The following ARL15 variants were observed in gnomAD, a reference collection of about 807,000 sequenced individuals.
The protein encoded by ARL15 is ADP-ribosylation factor-like protein 15.
ARL15 carries 19 observed loss-of-function variants against 25.2 expected under a neutral mutation model. The observed-to-expected ratio is 0.75, with a 90% CI of 0.53 to 1.10. ARL15 has a LOEUF of 1.10. Ranked by LOEUF, ARL15 falls within the 50% of genes least tolerant of loss-of-function variation. ARL15 has a pLI of 0.00. For synonymous variants in ARL15, 94 were observed against 86.8 expected, an observed-to-expected ratio of 1.08 and a Z score of -0.46; for missense variants, 220 against 246.0, an observed-to-expected ratio of 0.89 and a Z score of 0.71.
rs923435954 is a variant in ARL15, at chr5:54,017,270, C to T, written c.462+95932G>A. ...GTTCACTCACATGCAAACATGTGCACCCTGGCCAGTCATTTTTATTACCTT... is the reference window on the plus strand; with the variant it reads ...GTTCACTCACATGCAAACATGTGCATCCTGGCCAGTCATTTTTATTACCTT... On this transcript the variant is annotated intron_variant, in intron 4 of 4. Coordinates refer to ENST00000504924, the MANE Select transcript of ARL15 (RefSeq NM_019087.3). 4.3e-4 allele frequency among the ~76,000 whole-genome samples: 65 copies of T among 152,242 alleles called. 1 individual carries two copies. The highest frequency in any genetic ancestry group is 4.3e-3 in the Admixed American group (65 of 15,292).
At chr5:54,146,125 T>C (rs1238215115) in intron 3 of ARL15, among the ~76,000 whole-genome samples, 1 of 152,110 alleles carries the variant, frequency 6.6e-6, no homozygotes, top group Non-Finnish European at 1.5e-5. Context: ...TTAGTATTAG[T>C]TATTTTTTAT....
At chr5:54,017,131 A>G (rs936669336) in intron 4 of ARL15, among the ~76,000 whole-genome samples, 58 of 152,194 alleles carry the variant, frequency 3.8e-4, no homozygotes, top group Non-Finnish European at 4.4e-5. Flanking sequence ...CATCATAACA[A>G]CAATGAGGAT....
chr5:54,013,110 T>C, intron 4 of ARL15, among the ~76,000 whole-genome samples: 1 of 152,250 alleles, frequency 6.6e-6, no homozygotes, highest in East Asian at 1.9e-4. Flanking sequence ...TTCTTTCTTT[T>C]TCCTACTTTC....
At chr5:54,105,079 C>T (rs1025632054) in intron 4 of ARL15, among the ~76,000 whole-genome samples, 3 of 151,176 alleles carry the variant, frequency 2.0e-5, no homozygotes, top group South Asian at 2.1e-4. Context: ...TAATAACTAA[C>T]GCTTATTGTG....
In ARL15 at chr5:53,970,183, AAGAT is replaced by A. The variant is rs1011614273; in HGVS notation, c.463-83474_463-83471del. On this transcript the variant is annotated intron_variant, in intron 4 of 4. Coordinates refer to ENST00000504924, the MANE Select transcript of ARL15 (RefSeq NM_019087.3). The stretch of plus-strand genomic sequence containing the variant: ...CCATTTTTTACTTGAAAAAAGATAA[AAGAT>A]AGCCAATGAAAACAGAAAATAAAAA... 6.6e-5 allele frequency among the ~76,000 whole-genome samples: 10 copies of A among 152,220 alleles called. No individual in the cohort carries two copies. The East Asian group carries it at 1.3e-3, about 20-fold the overall frequency.
intron 4 of ARL15, among the ~76,000 whole-genome samples, chr5:54,077,196 A>G (rs1357165020): frequency 4.0e-4 from 61 of 152,294 alleles, no homozygotes; most frequent in Admixed American, 3.9e-3. Flanking sequence ...ATGAAGGATG[A>G]TATCTTCTCA....
At chr5:54,116,819 C>A (rs148437224) in intron 3 of ARL15, among the ~76,000 whole-genome samples, 9 of 152,084 alleles carry the variant, frequency 5.9e-5, no homozygotes, top group Admixed American at 5.2e-4. Flanking sequence ...AGGTTACACA[C>A]CTAATAAATA....
chr5:54,302,084 C>T (rs1294850516), intron 1 of ARL15, among the ~76,000 whole-genome samples: 1 of 152,190 alleles, frequency 6.6e-6, no homozygotes, highest in African/African-American at 2.4e-5. Flanking sequence ...CCGCCTCAAA[C>T]ACAAACCCAC....
chr5:54,009,010 C>T (rs1286608839), intron 4 of ARL15, among the ~76,000 whole-genome samples: 2 of 152,088 alleles, frequency 1.3e-5, no homozygotes, highest in Non-Finnish European at 2.9e-5. Flanking sequence ...TGAAAATGAG[C>T]TGATCATTTT....
chr5:54,114,120 G>A (rs1486841229), intron 3 of ARL15, among the ~76,000 whole-genome samples: 2 of 152,074 alleles, frequency 1.3e-5, no homozygotes, highest in Non-Finnish European at 1.5e-5. Flanking sequence ...TGGAGAGGCT[G>A]GGCGCGGTGG....
At chr5:53,974,790 A>G (rs185561364) in intron 4 of ARL15, among the ~76,000 whole-genome samples, 90 of 152,348 alleles carry the variant, frequency 5.9e-4, no homozygotes, top group Admixed American at 2.7e-3. Context: ...TCTAGAATTA[A>G]TTAAAATCTG....
intron 1 of ARL15, chr5:54,285,230 G>C (rs1447818625): frequency 2.9e-6 from 1 of 343,570 alleles, no homozygotes; most frequent in South Asian, 1.2e-4. Context: ...CAGCAAAAAA[G>C]ATGTCAAAAA....
chr5:53,982,269 G>A (rs1694059), intron 4 of ARL15, among the ~76,000 whole-genome samples: 54,082 of 149,610 alleles, frequency 0.36, 10,509 homozygotes, highest in Middle Eastern at 0.45. Context: ...ATGTGTCATG[G>A]TGGTTTGCTG....
Position 54,113,416 on chromosome 5 carries a change from A to C in ARL15, c.254-6T>G. ...TTTCCGGATGTTATCAGCCCCTGTC[A>C]AAAACAAAACAAATTTTCGTTTTAA... On this transcript the variant is annotated splice_region_variant and splice_polypyrimidine_tract_variant and intron_variant, in intron 3 of 4. Transcript: ENST00000504924. 1 of 1,606,208 alleles carries C rather than the reference A, an allele frequency of 6.2e-7. No individual in the cohort carries two copies. Among genetic ancestry groups the C allele is most frequent in the Non-Finnish European group, 8.5e-7 (1 of 1,177,858 alleles).
intron 4 of ARL15, among the ~76,000 whole-genome samples, chr5:54,071,986 A>C (rs1342414566): frequency 6.6e-6 from 1 of 151,628 alleles, no homozygotes; most frequent in African/African-American, 2.4e-5. Flanking sequence ...AAAGAAAAAA[A>C]AAAAAAAAAG....
intron 4 of ARL15, among the ~76,000 whole-genome samples, chr5:53,887,637 T>C (rs1412571113): frequency 6.6e-6 from 1 of 152,220 alleles, no homozygotes; most frequent in Admixed American, 6.5e-5. Flanking sequence ...CATACAAAAG[T>C]AGAACATTAT....
intron 4 of ARL15, among the ~76,000 whole-genome samples, chr5:54,092,195 C>G (rs897488787): frequency 6.6e-6 from 1 of 152,086 alleles, no homozygotes; most frequent in Non-Finnish European, 1.5e-5. Flanking sequence ...GTATTTATTC[C>G]AAGTGATGTC....
At chr5:53,961,987 A>G (rs1485794146) in intron 4 of ARL15, among the ~76,000 whole-genome samples, 1 of 152,188 alleles carries the variant, frequency 6.6e-6, no homozygotes, top group African/African-American at 2.4e-5. Context: ...CCCTACTGAT[A>G]GGCATTTAGG....
intron 4 of ARL15, among the ~76,000 whole-genome samples, chr5:54,011,087 C>A (rs1221293245): frequency 6.6e-6 from 1 of 151,872 alleles, no homozygotes; most frequent in Non-Finnish European, 1.5e-5. Context: ...AAGACAGATG[C>A]CTAGCCTGTG....
Sources: gnomAD v4.1 joint callset for allele counts (sites outside exome capture counted in the v4.1 genomes callset) on GRCh38, gnomAD v4.1.1 for gene constraint, MANE v1.5 for transcripts, NCBI Gene and HGNC (gene_info 2026-07-23, HGNC 2026-07-21) for gene names.